Variants in UTRN observed in about 807,000 individuals in gnomAD.
UTRN encodes the protein utrophin, also known as dystrophin-related protein 1.
UTRN carries 283 observed loss-of-function variants against 463.9 expected under a neutral mutation model. The observed-to-expected ratio is 0.61, with a 90% CI of 0.55 to 0.67. The LOEUF (loss-of-function observed/expected upper bound fraction) is 0.67. UTRN is among the 30% of genes least tolerant of loss of function. The pLI is 0.00. For missense variants in UTRN, 3,922 were observed against 4,084.3 expected (o/e 0.96, Z 1.08); for synonymous variants, 1,442 against 1,431.5 (o/e 1.01, Z -0.17).
intron 65 of UTRN, among the ~76,000 whole-genome samples, chr6:144,813,183 A>T (rs534832381): frequency 2.7e-5 from 4 of 147,222 alleles, no homozygotes; most frequent in Admixed American, 1.3e-4. Context: ...TTTTATTTTT[A>T]TTTATTTATT....
intron 57 of UTRN, among the ~76,000 whole-genome samples, chr6:144,755,960 C>T (rs1195525330): frequency 1.3e-5 from 2 of 151,962 alleles, no homozygotes; most frequent in East Asian, 1.9e-4. Flanking sequence ...ACCTCTCTAC[C>T]TCTCACCCTC....
intron 51 of UTRN, among the ~76,000 whole-genome samples, chr6:144,630,065 G>C (rs1406201302): frequency 6.6e-6 from 1 of 152,126 alleles, no homozygotes; most frequent in Non-Finnish European, 1.5e-5. Context: ...GTGGGTGCCT[G>C]TAGTCCCAGC....
At position 144,748,238 on chromosome 6, in the gene UTRN, A is replaced by G; in HGVS notation, c.7940-8A>G. On this transcript the variant is annotated splice_polypyrimidine_tract_variant and splice_region_variant and intron_variant, in intron 54 of 74. Transcript: ENST00000367545. ...CCAAATTATTCTTTTTCTTTTTTTT[A>G]ATCACAGAATTAACTCCTGAGGAGA... 6.3e-7 allele frequency: 1 copy of G among 1,584,626 alleles called. No homozygotes were observed. The highest frequency in any genetic ancestry group is 8.5e-7 in the Non-Finnish European group (1 of 1,171,290).
At chr6:144,746,563 A>G (rs560638185) in intron 54 of UTRN, among the ~76,000 whole-genome samples, 1 of 151,710 alleles carries the variant, frequency 6.6e-6, no homozygotes, top group African/African-American at 2.4e-5. Flanking sequence ...TGCAACCTCC[A>G]TCTCCTGGGT....
At chr6:144,381,208 G>A (rs1780887318) in intron 2 of UTRN, among the ~76,000 whole-genome samples, 1 of 151,956 alleles carries the variant, frequency 6.6e-6, no homozygotes. Flanking sequence ...AGTGTATATT[G>A]TTCCCTGCTA....
At chr6:144,524,452 C>T (rs1796386857) in intron 41 of UTRN, among the ~76,000 whole-genome samples, 1 of 151,682 alleles carries the variant, frequency 6.6e-6, no homozygotes, top group African/African-American at 2.4e-5. Flanking sequence ...TTTAAAAAAA[C>T]TTTGCCAGTT....
intron 34 of UTRN, among the ~76,000 whole-genome samples, chr6:144,508,286 G>GA (rs1375820842): frequency 2.0e-5 from 3 of 151,726 alleles, no homozygotes; most frequent in African/African-American, 4.8e-5. Flanking sequence ...ACTGGGGTGT[G>GA]AAAAAAAACA....
intron 18 of UTRN, among the ~76,000 whole-genome samples, chr6:144,452,660 T>C (rs116373274): frequency 0.013 from 1,954 of 151,892 alleles, 34 homozygotes; most frequent in African/African-American, 0.044. Flanking sequence ...GAACAAAATG[T>C]GGGTTGGGCT....
chr6:144,581,770 C>T (rs532862142), intron 51 of UTRN, among the ~76,000 whole-genome samples: 13 of 152,272 alleles, frequency 8.5e-5, no homozygotes, highest in South Asian at 2.1e-4. Context: ...CACGATTGTA[C>T]GACCATCACC....
At chr6:144,570,977 C>T (rs754887292) in intron 50 of UTRN, among the ~76,000 whole-genome samples, 28 of 152,122 alleles carry the variant, frequency 1.8e-4, no homozygotes, top group Non-Finnish European at 3.5e-4. Context: ...TCTCTTTTTA[C>T]ATTAGCTGTT....
intron 50 of UTRN, among the ~76,000 whole-genome samples, chr6:144,561,623 ATGGGGCAATCC>A (rs1373288616): frequency 6.6e-6 from 1 of 152,114 alleles, no homozygotes; most frequent in Non-Finnish European, 1.5e-5. Context: ...TGTAAGGTAT[ATGGGGCAATCC>A]TTGGTTAAAA....
chr6:144,451,241 C>G (rs1307388245), intron 17 of UTRN, 129 bp from the exon 18 acceptor site: 1 of 958,608 alleles, frequency 1.0e-6, no homozygotes, highest in Non-Finnish European at 1.5e-6. Context: ...TACCCTATTT[C>G]TGGGTTGCTG....
At chr6:144,702,520 C>T (rs1276663141) in intron 53 of UTRN, among the ~76,000 whole-genome samples, 2 of 152,022 alleles carry the variant, frequency 1.3e-5, no homozygotes, top group African/African-American at 4.8e-5. Flanking sequence ...GGACACTAGA[C>T]AAATAGGCAA....
At chr6:144,841,942 G>A (rs1406652199) in intron 73 of UTRN, among the ~76,000 whole-genome samples, 5 of 151,286 alleles carry the variant, frequency 3.3e-5, no homozygotes, top group South Asian at 2.1e-4. Flanking sequence ...AAACCCTGTC[G>A]CTACTAAAAA....
intron 9 of UTRN, among the ~76,000 whole-genome samples, chr6:144,433,864 C>G (rs2114880955): frequency 6.8e-6 from 1 of 148,016 alleles, no homozygotes; most frequent in South Asian, 2.2e-4. Context: ...CCAGACTGGG[C>G]AGCCAGGCAG....
At position 144,824,589 on chromosome 6, in the gene UTRN, TA is replaced by T. The variant is rs1562954837; in HGVS notation, c.9495-2758del. On this transcript the variant is annotated intron_variant, in intron 66 of 74. Transcript: ENST00000367545. The stretch of plus-strand genomic sequence containing the variant: ...CATTTTATTTATATATATATATATA[TA>T]TATATATATATATATATATATATCT... Among the ~76,000 whole-genome samples, 225 of 39,670 alleles carry T rather than the reference TA, an allele frequency of 5.7e-3. 7 individuals are homozygous for T. Among genetic ancestry groups the T allele is most frequent in the African/African-American group, 0.031 (214 of 6,884 alleles). The allele number at this position is 39,670 out of a possible 152,430, so 26.0% of individuals were successfully genotyped here. A position where few individuals can be genotyped will look rare whatever the true frequency, so the allele number is the denominator to read the frequency against.
chr6:144,554,905 C>G lies in UTRN; in HGVS notation c.7134+12C>G. 1.2e-6 allele frequency: 2 copies of G among 1,613,362 alleles called. No homozygotes were observed. The highest frequency in any genetic ancestry group is 1.7e-6 in the Non-Finnish European group (2 of 1,179,692). On this transcript the variant is annotated intron_variant, in intron 49 of 74. Transcript: ENST00000367545. ...TTTCTGATAACCAAGTAAGACTCAT[C>G]AGATATTTTTTGGCAGTATTGTTTT... is the stretch of plus-strand genomic sequence containing the variant.
At chr6:144,574,493 G>A (rs536670085) in intron 50 of UTRN, among the ~76,000 whole-genome samples, 2 of 152,202 alleles carry the variant, frequency 1.3e-5, no homozygotes, top group South Asian at 4.2e-4. Flanking sequence ...GTTGGTATTT[G>A]GGTTGTATTC....
intron 50 of UTRN, among the ~76,000 whole-genome samples, chr6:144,561,451 C>T (rs1242612768): frequency 6.6e-6 from 1 of 151,604 alleles, no homozygotes; most frequent in African/African-American, 2.4e-5. Context: ...GTTATCTACA[C>T]TGAAGTATTG....
Sources: gnomAD v4.1 joint callset for allele counts (sites outside exome capture counted in the v4.1 genomes callset) on GRCh38, gnomAD v4.1.1 for gene constraint, MANE v1.5 for transcripts, NCBI Gene and HGNC (gene_info 2026-07-23, HGNC 2026-07-21) for gene names.